Variants in MARCO observed in about 807,000 individuals in gnomAD.
MARCO encodes macrophage receptor MARCO.
MARCO carries 72 observed loss-of-function variants against 70.0 expected under a neutral mutation model. The ratio of observed to expected loss-of-function variants is 1.03; its 90% CI spans 0.85 to 1.25. The LOEUF (loss-of-function observed/expected upper bound fraction) is 1.25, where lower values mean the gene tolerates loss of function less well. Ranked by LOEUF, MARCO falls within the 50% of genes most tolerant of loss-of-function variation. The pLI is 0.00. For missense variants in MARCO, 696 were observed against 659.3 expected, an observed-to-expected ratio of 1.06 and a Z score of -0.61; for synonymous variants, 273 against 243.1, an observed-to-expected ratio of 1.12 and a Z score of -1.14.
intron 4 of MARCO, among the ~76,000 whole-genome samples, chr2:118,973,484 C>G (rs571276998): frequency 1.6e-3 from 245 of 152,238 alleles, no homozygotes; most frequent in African/African-American, 5.8e-3. Context: ...ATAGAAGTCT[C>G]GGCTCCTCCT....
intron 1 of MARCO, among the ~76,000 whole-genome samples, chr2:118,943,108 T>C (rs1482527493): frequency 6.6e-6 from 1 of 152,196 alleles, no homozygotes; most frequent in Non-Finnish European, 1.5e-5. Flanking sequence ...ATCTTCCAAG[T>C]TGATCAGTCA....
At chr2:118,979,236 G>A (rs374031840) in intron 8 of MARCO, among the ~76,000 whole-genome samples, 2 of 152,204 alleles carry the variant, frequency 1.3e-5, no homozygotes, top group East Asian at 1.9e-4. Flanking sequence ...GTACCCAGCA[G>A]AAGAACAAGG....
chr2:118,960,812 G>T (rs1232330817), intron 1 of MARCO, among the ~76,000 whole-genome samples: 1 of 152,062 alleles, frequency 6.6e-6, no homozygotes, highest in South Asian at 2.1e-4. Flanking sequence ...ATGCCATGGT[G>T]GTTTGCTGCA....
At position 118,942,262 on chromosome 2, in the gene MARCO, T is replaced by A; in HGVS notation, c.-39T>A. The A allele has an allele frequency of 7.1e-7, 1 of 1,407,602 alleles. No homozygotes were observed. The highest frequency in any genetic ancestry group is 1.0e-6 in the Non-Finnish European group (1 of 993,528). The allele number at this position is 1,407,602 out of a possible 1,614,324, so 87.2% of individuals were successfully genotyped here. A position where few individuals can be genotyped will look rare whatever the true frequency, so the allele number is the denominator to read the frequency against. On this transcript the variant is annotated 5_prime_UTR_variant, in exon 1 of 17. Coordinates refer to ENST00000327097, the MANE Select transcript of MARCO (RefSeq NM_006770.4). ...TGGTTCCTCTTGAGGGGAGCATTTC[T>A]GCTGGCTCCAGGACTTTGGCCATCT...
rs767381130 is a variant in MARCO, at chr2:118,968,668, T to G, written c.98-492T>G. 7.9e-5 allele frequency among the ~76,000 whole-genome samples: 12 copies of G among 152,258 alleles called. No individual in the cohort carries two copies. The South Asian group carries it at 1.0e-3, about 13-fold the overall frequency. ...ATGTTTTACTTTTATAATTTACAAA[T>G]CTTAAGGAAAAAAAAGACCTAGACA... On this transcript the variant is annotated intron_variant, in intron 1 of 16. Coordinates refer to ENST00000327097, the MANE Select transcript of MARCO (RefSeq NM_006770.4).
At chr2:118,970,438 T>C in intron 3 of MARCO, 100 bp downstream of exon 3, 1 of 911,970 alleles carries the variant, frequency 1.1e-6, no homozygotes, top group Non-Finnish European at 1.7e-6. Context: ...AAGCAAAGTG[T>C]GACCTCCAAG....
chr2:118,986,363 A>AC (rs1313709465), intron 12 of MARCO, among the ~76,000 whole-genome samples: 1 of 151,564 alleles, frequency 6.6e-6, no homozygotes, highest in Admixed American at 6.6e-5. Context: ...AACATAAAAA[A>AC]ATTAGCTGGG....
intron 12 of MARCO, among the ~76,000 whole-genome samples, chr2:118,984,323 T>A (rs548772190): frequency 6.6e-6 from 1 of 152,338 alleles, no homozygotes; most frequent in South Asian, 2.1e-4. Context: ...ACACCCATTT[T>A]AGCAAAAGAC....
At chr2:118,990,560 C>T (rs757381515) in intron 12 of MARCO, 29 bp from the exon 13 acceptor site, 4 of 378,828 alleles carry the variant, frequency 1.1e-5, no homozygotes, top group African/African-American at 1.9e-4. Context: ...ATTATCTCCT[C>T]CCCCCCCCCT....
At chr2:118,952,387 C>CGTGCAGG (rs1158623933) in intron 1 of MARCO, among the ~76,000 whole-genome samples, 2 of 152,114 alleles carry the variant, frequency 1.3e-5, no homozygotes, top group African/African-American at 4.8e-5. Context: ...TTAGTGTTGG[C>CGTGCAGG]GTGCAGGTAT....
intron 3 of MARCO, among the ~76,000 whole-genome samples, chr2:118,971,053 G>A (rs1205991496): frequency 6.6e-6 from 1 of 152,212 alleles, no homozygotes. Context: ...GGCCTCCCCA[G>A]GGAGAAAAGA....
rs1488020033 is a variant in MARCO, at chr2:118,970,256, A to G, written c.342A>G (p.Gln114=). 1.2e-6 allele frequency: 2 copies of G among 1,614,106 alleles called. No individual in the cohort carries two copies. Among genetic ancestry groups the G allele is most frequent in the Non-Finnish European group, 1.7e-6 (2 of 1,180,026 alleles). ...EHLAQGASRL[Q]VLQAQLTWVR... is the part of the protein sequence containing the mutation. The stretch of plus-strand genomic sequence containing the variant: ...TGGCTCAGGGTGCATCGAGGCTGCA[A>G]GTCCTGCAGGCCCAACTCACCTGGG... The change falls in exon 3 of 17, where the codon CAA becomes CAG. Residue 114 remains glutamine (Q), a synonymous_variant. Coordinates refer to ENST00000327097, the MANE Select transcript of MARCO (RefSeq NM_006770.4).
chr2:118,987,419 T>C (rs1680537817), intron 12 of MARCO, among the ~76,000 whole-genome samples: 1 of 152,246 alleles, frequency 6.6e-6, no homozygotes, highest in Non-Finnish European at 1.5e-5. Context: ...GCCAGTGTTC[T>C]CTTAGAGTCC....
rs1280270689 is a variant in MARCO, at chr2:118,942,406, C to A, written c.97+9C>A. The A allele has an allele frequency of 1.9e-6, 3 of 1,594,066 alleles. No homozygotes were observed. Among genetic ancestry groups the A allele is most frequent in the African/African-American group, 1.3e-5 (1 of 74,502 alleles). On this transcript the variant is annotated intron_variant, in intron 1 of 16. Coordinates refer to ENST00000327097, the MANE Select transcript of MARCO (RefSeq NM_006770.4). ...GCCTTTCGAAATCAATGGTAAAGTA[C>A]GATTCCCCAATAATGGAAATGACCA...
intron 8 of MARCO, among the ~76,000 whole-genome samples, chr2:118,978,803 A>C (rs1259157665): frequency 6.6e-6 from 1 of 152,226 alleles, no homozygotes; most frequent in African/African-American, 2.4e-5. Context: ...ATACATGACA[A>C]CTAGTAATAG....
intron 3 of MARCO, 39 bp from the exon 4 acceptor site, chr2:118,971,460 C>T (rs1220389487): frequency 3.7e-6 from 6 of 1,610,928 alleles, no homozygotes; most frequent in Non-Finnish European, 5.1e-6. Flanking sequence ...CCAAGGGTAC[C>T]CCACAGCTCA....
Position 118,994,267 on chromosome 2 carries a change from A to T in MARCO, c.1430-120A>T, listed in dbSNP as rs555613586. Reference sequence around the variant, plus strand: ...TCAGCACATTGGGCCGGAATGGGCCAGAATGAGTGAGAAGTCGGCAGTCCA... The same window carrying T: ...TCAGCACATTGGGCCGGAATGGGCCTGAATGAGTGAGAAGTCGGCAGTCCA... On this transcript the variant is annotated intron_variant, in intron 16 of 16. Coordinates refer to ENST00000327097, the MANE Select transcript of MARCO (RefSeq NM_006770.4). 38 of 1,083,330 alleles carry T rather than the reference A, an allele frequency of 3.5e-5. No homozygotes were observed. In the African/African-American group the frequency reaches 5.2e-4, roughly 15 times the overall value. 67.1% of individuals were successfully genotyped at this position (1,083,330 alleles called of 1,614,324 possible). A position where few individuals can be genotyped will look rare whatever the true frequency, so the allele number is the denominator to read the frequency against.
At chr2:118,982,714 C>T (rs7599352) in intron 12 of MARCO, among the ~76,000 whole-genome samples, 71,474 of 152,020 alleles carry the variant, frequency 0.47, 19,214 homozygotes, top group East Asian at 0.66. Context: ...CCCAGCTGTA[C>T]GTTTCTGCTG....
At chr2:118,988,562 C>A (rs1048506264) in intron 12 of MARCO, among the ~76,000 whole-genome samples, 1 of 152,002 alleles carries the variant, frequency 6.6e-6, no homozygotes, top group South Asian at 2.1e-4. Context: ...ACCTTAAGAG[C>A]GTGTCCCTAG....
Sources: gnomAD v4.1 joint callset for allele counts (sites outside exome capture counted in the v4.1 genomes callset) on GRCh38, gnomAD v4.1.1 for gene constraint, MANE v1.5 for transcripts, NCBI Gene and HGNC (gene_info 2026-07-23, HGNC 2026-07-21) for gene names.